FBXO36: variants seen among roughly 807,000 people sequenced by gnomAD.
The protein encoded by FBXO36 is F-box protein 36, also known as F-box only protein 36.
A neutral mutation model predicts 17.0 loss-of-function variants in FBXO36; 18 were observed. The observed-to-expected ratio is 1.06, with a 90% CI of 0.73 to 1.57. FBXO36 has a LOEUF of 1.57. Ranked by LOEUF, FBXO36 falls within the 40% of genes most tolerant of loss-of-function variation. The probability of loss-of-function intolerance (pLI) is 0.00; values close to 1 mark genes in which losing one functional copy is unlikely to be tolerated. For synonymous variants in FBXO36, 83 were observed against 85.3 expected, an observed-to-expected ratio of 0.97 and a Z score of 0.15; for missense variants, 229 against 221.9, an observed-to-expected ratio of 1.03 and a Z score of -0.20.
chr2:230,005,435 C>T (rs2077382069), intron 3 of FBXO36, among the ~76,000 whole-genome samples: 1 of 152,016 alleles, frequency 6.6e-6, no homozygotes, highest in African/African-American at 2.4e-5. Context: ...TTTGTTTACC[C>T]TCTGTATTTA....
Position 229,935,606 on chromosome 2 carries a change from G to A in FBXO36, c.96+12997G>A, listed in dbSNP as rs537348860. Among the ~76,000 whole-genome samples the A allele has an allele frequency of 2.2e-4, 33 of 152,098 alleles. 1 individual carries two copies. Among genetic ancestry groups the A allele is most frequent in the Non-Finnish European group, 4.4e-4 (30 of 68,016 alleles). On this transcript the variant is annotated intron_variant, in intron 1 of 3. Coordinates refer to ENST00000283946, the MANE Select transcript of FBXO36 (RefSeq NM_174899.5). ...TTTCAATGCTTTTTTTCTGAATTTG[G>A]TATTTGATAAGGAGATAAGAATTTG...
chr2:229,960,294 C>T lies in FBXO36; in HGVS notation c.97-15947C>T, dbSNP rs143153088. ...CTGGGCTCAAGTGATCCTTCTACCT[C>T]GGCCTCCTGAGGAGCTGGGACTACA... On this transcript the variant is annotated intron_variant, in intron 1 of 3. Coordinates refer to ENST00000283946, the MANE Select transcript of FBXO36 (RefSeq NM_174899.5). 2.2e-3 allele frequency among the ~76,000 whole-genome samples: 330 copies of T among 152,122 alleles called. 2 individuals are homozygous for T. Among genetic ancestry groups the T allele is most frequent in the African/African-American group, 7.1e-3 (293 of 41,512 alleles).
chr2:230,004,569 A>G (rs1452571610), intron 3 of FBXO36, among the ~76,000 whole-genome samples: 1 of 152,184 alleles, frequency 6.6e-6, no homozygotes, highest in Non-Finnish European at 1.5e-5. Flanking sequence ...GAGATATTCT[A>G]CACATGTAGA....
rs912037306 is a variant in FBXO36 at position 229,949,770 on chromosome 2, C to G, written c.97-26471C>G. On this transcript the variant is annotated intron_variant, in intron 1 of 3. Coordinates refer to ENST00000283946, the MANE Select transcript of FBXO36 (RefSeq NM_174899.5). ...GAAACCCTGACTCTACTAAAAATAC[C>G]AAAAATTAGCCGGGCGTGGTGGCGG... Among the ~76,000 whole-genome samples, 5 of 151,638 alleles carry G rather than the reference C, an allele frequency of 3.3e-5. No homozygotes were observed. The East Asian group carries it at 9.8e-4, about 30-fold the overall frequency.
At chr2:229,969,503 G>A (rs533922530) in intron 1 of FBXO36, among the ~76,000 whole-genome samples, 13 of 151,918 alleles carry the variant, frequency 8.6e-5, no homozygotes, top group Admixed American at 3.3e-4. Flanking sequence ...CCTGGCTAAC[G>A]CGGTGAAACC....
intron 1 of FBXO36, among the ~76,000 whole-genome samples, chr2:229,941,216 G>A (rs1264496897): frequency 6.6e-6 from 1 of 152,156 alleles, no homozygotes; most frequent in African/African-American, 2.4e-5. Flanking sequence ...AGCACTTTGG[G>A]AGGCCGAGGC....
intron 1 of FBXO36, among the ~76,000 whole-genome samples, chr2:229,923,847 G>GTTTTTTTTTTTTTTTTTTTTT (rs71045800): frequency 3.9e-5 from 3 of 77,710 alleles, no homozygotes; most frequent in Non-Finnish European, 6.9e-5. Context: ...TTTTGGTGTT[G>GTTTTTTTTTTTTTTTTTTTTT]TTTTTTTTTT....
chr2:229,953,450 A>G (rs1181284625), intron 1 of FBXO36, among the ~76,000 whole-genome samples: 1 of 151,756 alleles, frequency 6.6e-6, no homozygotes, highest in Non-Finnish European at 1.5e-5. Flanking sequence ...CCAAGGTGGG[A>G]AGATCGCTTG....
chr2:229,950,320 G>A (rs2077050891), intron 1 of FBXO36, among the ~76,000 whole-genome samples: 1 of 152,068 alleles, frequency 6.6e-6, no homozygotes, highest in Admixed American at 6.6e-5. Flanking sequence ...CAGCTACTCA[G>A]GAAGCTGAGG....
intron 2 of FBXO36, among the ~76,000 whole-genome samples, chr2:229,984,850 G>A (rs940738823): frequency 6.6e-6 from 1 of 152,122 alleles, no homozygotes; most frequent in Non-Finnish European, 1.5e-5. Flanking sequence ...TCCAGGTTTT[G>A]CTGTTCTCAC....
intron 1 of FBXO36, among the ~76,000 whole-genome samples, chr2:229,935,975 G>A (rs1159842750): frequency 6.6e-6 from 1 of 152,116 alleles, no homozygotes; most frequent in East Asian, 1.9e-4. Context: ...ATTATTTGAG[G>A]TTATGAGTTC....
At position 229,958,264 on chromosome 2, in the gene FBXO36, T is replaced by G. The variant is rs1445958803; in HGVS notation, c.97-17977T>G. Among the ~76,000 whole-genome samples, 8 of 96,598 alleles carry G rather than the reference T, an allele frequency of 8.3e-5. No individual in the cohort carries two copies. The East Asian group carries it at 2.1e-3, about 25-fold the overall frequency. 63.4% of individuals were successfully genotyped at this position (96,598 alleles called of 152,430 possible). On this transcript the variant is annotated intron_variant, in intron 1 of 3. Transcript: ENST00000283946. Reference sequence around the variant, plus strand: ...ACAGAGAGCTCTGACTTTCTTTTTTTTTTTTTTTTTTTTTTTTTTTGAGTC... The same window carrying G: ...ACAGAGAGCTCTGACTTTCTTTTTTGTTTTTTTTTTTTTTTTTTTTGAGTC...
intron 1 of FBXO36, among the ~76,000 whole-genome samples, chr2:229,955,092 T>C (rs2077080012): frequency 6.6e-6 from 1 of 152,196 alleles, no homozygotes; most frequent in African/African-American, 2.4e-5. Flanking sequence ...CCTCAAGTGA[T>C]CTGCCTTCCT....
chr2:229,947,058 C>T (rs973875254), intron 1 of FBXO36, among the ~76,000 whole-genome samples: 1 of 152,030 alleles, frequency 6.6e-6, no homozygotes, highest in Non-Finnish European at 1.5e-5. Context: ...ATCTCAGCTA[C>T]TTGGGAGGCT....
intron 1 of FBXO36, among the ~76,000 whole-genome samples, chr2:229,966,051 A>G (rs2077150664): frequency 6.6e-6 from 1 of 152,030 alleles, no homozygotes; most frequent in South Asian, 2.1e-4. Flanking sequence ...TTGTTTCCTG[A>G]CTTTTTAATG....
chr2:229,925,026 G>A (rs1405328762), intron 1 of FBXO36, among the ~76,000 whole-genome samples: 3 of 151,876 alleles, frequency 2.0e-5, no homozygotes, highest in African/African-American at 4.8e-5. Context: ...CACCGCGCCC[G>A]GCCCTAACTA....
At chr2:230,005,950 G>A (rs145936200) in intron 3 of FBXO36, among the ~76,000 whole-genome samples, 120 of 152,174 alleles carry the variant, frequency 7.9e-4, no homozygotes, top group African/African-American at 2.8e-3. Flanking sequence ...TTACAGATGT[G>A]AGCCACCACG....
At chr2:229,934,715 C>T (rs1175732697) in intron 1 of FBXO36, among the ~76,000 whole-genome samples, 41 of 152,278 alleles carry the variant, frequency 2.7e-4, no homozygotes, top group Admixed American at 2.2e-3. Context: ...AGTGCAATGG[C>T]GTGATCTTGG....
intron 2 of FBXO36, among the ~76,000 whole-genome samples, chr2:229,984,981 T>A (rs868286274): frequency 3.9e-5 from 6 of 152,192 alleles, no homozygotes; most frequent in Admixed American, 1.3e-4. Flanking sequence ...TAAATTTTGA[T>A]AGATTTTATC....
Sources: gnomAD v4.1 joint callset for allele counts (sites outside exome capture counted in the v4.1 genomes callset) on GRCh38, gnomAD v4.1.1 for gene constraint, MANE v1.5 for transcripts, NCBI Gene and HGNC (gene_info 2026-07-23, HGNC 2026-07-21) for gene names.